Variants in TENM3 observed in about 807,000 individuals in gnomAD.
TENM3 encodes the protein teneurin-3.
In TENM3, 63 loss-of-function variants were observed where a neutral mutation model predicts 255.1. The ratio of observed to expected loss-of-function variants is 0.25; its 90% CI spans 0.20 to 0.30. The LOEUF (loss-of-function observed/expected upper bound fraction) is 0.30. Among genes scored for constraint, TENM3 ranks in the 10% least tolerant of loss-of-function variants. The pLI is 1.00. For missense variants in TENM3, 2,929 were observed against 3,461.1 expected (o/e 0.85, Z 3.86); for synonymous variants, 1,306 against 1,322.3 (o/e 0.99, Z 0.27).
chr4:182,202,772 G>T (rs1189027235), intron 1 of TENM3, among the ~76,000 whole-genome samples: 2 of 152,194 alleles, frequency 1.3e-5, no homozygotes, highest in Admixed American at 6.5e-5. Context: ...CCACAGCTGG[G>T]CAGGCAGAGG....
the TENM3 span, among the ~76,000 whole-genome samples, chr4:181,860,413 G>A: frequency 3.9e-5 from 6 of 152,064 alleles, 1 homozygote; most frequent in South Asian, 6.2e-4. Flanking sequence ...TTTTTCTAAC[G>A]CTCCTTCGCC....
the TENM3 span, among the ~76,000 whole-genome samples, chr4:181,988,917 T>C: frequency 3.3e-5 from 5 of 151,792 alleles, no homozygotes; most frequent in Non-Finnish European, 1.5e-5. Flanking sequence ...ACATTAAGAG[T>C]CTTCTGATTT....
chr4:182,585,916 A>T (rs1263609787), intron 3 of TENM3, among the ~76,000 whole-genome samples: 2 of 152,212 alleles, frequency 1.3e-5, no homozygotes, highest in Non-Finnish European at 2.9e-5. Context: ...TTGAAGAAAG[A>T]TGCAGGCTTC....
chr4:181,622,647 A>G, the TENM3 span, among the ~76,000 whole-genome samples: 1 of 152,184 alleles, frequency 6.6e-6, no homozygotes, highest in Non-Finnish European at 1.5e-5. Context: ...CTGTACCCCA[A>G]CCTGGGCAAC....
chr4:182,484,294 T>C (rs527526740), intron 3 of TENM3, among the ~76,000 whole-genome samples: 65 of 152,300 alleles, frequency 4.3e-4, no homozygotes, highest in African/African-American at 1.4e-3. Context: ...GTCATGCAGC[T>C]AGTCAGTTGT....
At chr4:182,406,234 G>T (rs1037118170) in intron 3 of TENM3, among the ~76,000 whole-genome samples, 1 of 152,082 alleles carries the variant, frequency 6.6e-6, no homozygotes, top group Non-Finnish European at 1.5e-5. Context: ...GAACCTGGGA[G>T]TCAGAGGTTG....
chr4:182,022,529 A>AT, the TENM3 span, among the ~76,000 whole-genome samples: 3 of 133,074 alleles, frequency 2.3e-5, no homozygotes, highest in East Asian at 5.5e-4. Flanking sequence ...TATCCCCTGA[A>AT]TAAAAAAAAA....
intron 7 of TENM3, among the ~76,000 whole-genome samples, chr4:182,679,219 GAA>G (rs1211950295): frequency 6.6e-6 from 1 of 150,526 alleles, no homozygotes; most frequent in African/African-American, 2.4e-5. Flanking sequence ...TTAAAAAAAA[GAA>G]AGAGTAGAAT....
At chr4:182,640,157 A>G (rs1320908433) in intron 5 of TENM3, among the ~76,000 whole-genome samples, 1 of 152,202 alleles carries the variant, frequency 6.6e-6, no homozygotes, top group African/African-American at 2.4e-5. Flanking sequence ...TTTTCCCTTA[A>G]GGTAATACAG....
intron 19 of TENM3, among the ~76,000 whole-genome samples, chr4:182,749,653 A>G (rs925750314): frequency 4.6e-5 from 7 of 152,252 alleles, no homozygotes; most frequent in Non-Finnish European, 8.8e-5. Flanking sequence ...AGGCACAGAT[A>G]AGTTAGGCAG....
rs187217794 is a variant in TENM3, at chr4:182,431,440, G to C, written c.511+84511G>C. Reference sequence around the variant, plus strand: ...ACCCGGGAGGTGGAGCTTGCAGTGTGCCGAGATCGCGCCACTGCACTCCAG... The same window carrying C: ...ACCCGGGAGGTGGAGCTTGCAGTGTCCCGAGATCGCGCCACTGCACTCCAG... On this transcript the variant is annotated intron_variant, in intron 3 of 27. Transcript: ENST00000511685. Among the ~76,000 whole-genome samples the C allele has an allele frequency of 1.1e-4, 17 of 152,248 alleles. No homozygotes were observed. The East Asian group carries it at 3.1e-3, about 28-fold the overall frequency.
chr4:181,791,935 T>A, the TENM3 span, among the ~76,000 whole-genome samples: 1 of 152,192 alleles, frequency 6.6e-6, no homozygotes, highest in African/African-American at 2.4e-5. Flanking sequence ...AAGGCATGTG[T>A]CCTCCAGGGA....
the TENM3 span, among the ~76,000 whole-genome samples, chr4:181,605,575 A>AAAGAAAG: frequency 1.4e-4 from 3 of 21,872 alleles, no homozygotes; most frequent in Admixed American, 7.1e-4. Context: ...AGAAAGAGAG[A>AAAGAAAG]GAAAGAAAGG....
intron 13 of TENM3, among the ~76,000 whole-genome samples, chr4:182,721,211 G>C (rs1417715651): frequency 6.6e-6 from 1 of 152,148 alleles, no homozygotes; most frequent in East Asian, 1.9e-4. Context: ...CCTGCATTAA[G>C]GTAAGGGGTT....
the TENM3 span, among the ~76,000 whole-genome samples, chr4:181,767,087 C>G: frequency 7.9e-6 from 1 of 126,340 alleles, no homozygotes; most frequent in African/African-American, 3.0e-5. Flanking sequence ...CCCGTCTCTA[C>G]TAAAAATACA....
At chr4:182,133,444 C>T in the TENM3 span, among the ~76,000 whole-genome samples, 1 of 152,086 alleles carries the variant, frequency 6.6e-6, no homozygotes, top group East Asian at 1.9e-4. Context: ...AGTTTCTATT[C>T]CATTTCACAA....
chr4:182,388,965 G>T (rs910408252), intron 3 of TENM3, among the ~76,000 whole-genome samples: 1 of 152,156 alleles, frequency 6.6e-6, no homozygotes, highest in Non-Finnish European at 1.5e-5. Context: ...CCAGCTTCTA[G>T]TCAGTGTTAT....
At position 182,541,795 on chromosome 4, in the gene TENM3, A is replaced by C. The variant is rs1740905692; in HGVS notation, c.512-59129A>C. ...AACAACAGGCCAGGCACAGTGGCTC[A>C]TGGCTGTAATCCCAGCATGTTGGGA... On this transcript the variant is annotated intron_variant, in intron 3 of 27. Coordinates refer to ENST00000511685, the MANE Select transcript of TENM3 (RefSeq NM_001080477.4). Among the ~76,000 whole-genome samples, 3 of 152,146 alleles carry C rather than the reference A, an allele frequency of 2.0e-5. No homozygotes were observed. In the South Asian group the frequency reaches 6.2e-4, roughly 32 times the overall value.
intron 3 of TENM3, among the ~76,000 whole-genome samples, chr4:182,588,286 C>G (rs1037998250): frequency 3.3e-5 from 5 of 152,112 alleles, no homozygotes; most frequent in African/African-American, 1.2e-4. Context: ...TAGTACTCTT[C>G]TATACCAGAC....
Sources: gnomAD v4.1 joint callset for allele counts (sites outside exome capture counted in the v4.1 genomes callset) on GRCh38, gnomAD v4.1.1 for gene constraint, MANE v1.5 for transcripts, NCBI Gene and HGNC (gene_info 2026-07-23, HGNC 2026-07-21) for gene names.